The following CALN1 variants were observed in gnomAD, a reference collection of about 807,000 sequenced individuals.
The protein encoded by CALN1 is calneuron 1, also known as calcium-binding protein 8.
Under a neutral mutation model 30.6 loss-of-function variants are expected in CALN1, and 17 were observed. The observed-to-expected ratio is 0.56, with a 90% CI of 0.38 to 0.83. CALN1 has a LOEUF of 0.83. Ranked by LOEUF, CALN1 falls within the 40% of genes least tolerant of loss-of-function variation. CALN1 has a pLI of 0.00. For synonymous variants in CALN1, 156 were observed against 131.4 expected, an observed-to-expected ratio of 1.19 and a Z score of -1.28; for missense variants, 291 against 354.9, an observed-to-expected ratio of 0.82 and a Z score of 1.45.
intron 1 of CALN1, among the ~76,000 whole-genome samples, chr7:72,417,550 C>T (rs1807461931): frequency 2.0e-5 from 3 of 152,250 alleles, no homozygotes; most frequent in Admixed American, 2.0e-4. Context: ...TTTACCAGCA[C>T]TGGTTCCTAA....
At chr7:71,893,333 G>A (rs1478880075) in intron 5 of CALN1, among the ~76,000 whole-genome samples, 1 of 152,164 alleles carries the variant, frequency 6.6e-6, no homozygotes, top group Non-Finnish European at 1.5e-5. Flanking sequence ...GGCCCAAAAT[G>A]TCAATGATGC....
chr7:72,112,249 G>A lies in CALN1; in HGVS notation c.245-5955C>T, dbSNP rs77459749. On this transcript the variant is annotated intron_variant, in intron 3 of 6. Transcript: ENST00000395275. Reference sequence around the variant, plus strand: ...CAGCCAGCATCGATATTAGTTGGCTGATGTTCTAGCTTTGAAGAATCAGGT... The same window carrying A: ...CAGCCAGCATCGATATTAGTTGGCTAATGTTCTAGCTTTGAAGAATCAGGT... Among the ~76,000 whole-genome samples, 1,083 of 152,280 alleles carry A rather than the reference G, an allele frequency of 7.1e-3. 14 individuals are homozygous for A. The highest frequency in any genetic ancestry group is 0.024 in the African/African-American group (1,004 of 41,546).
chr7:72,490,511 A>G, the CALN1 span, among the ~76,000 whole-genome samples: 1 of 152,118 alleles, frequency 6.6e-6, no homozygotes, highest in East Asian at 1.9e-4. Context: ...CACCTACCTC[A>G]AAGTGTTTGA....
chr7:71,780,917 T>C lies in CALN1; in HGVS notation c.*6858A>G, dbSNP rs2115736868. On this transcript the variant is annotated 3_prime_UTR_variant, in exon 7 of 7. Coordinates refer to ENST00000395275, the MANE Select transcript of CALN1 (RefSeq NM_031468.4). ...AGACAGACAGAAAGCTCATCTTTGA[T>C]GCTCCCTCGAGTCAGCAAGTCCTTA... The C allele has an allele frequency of 6.6e-6, 1 of 152,340 alleles. No individual in the cohort carries two copies. Among genetic ancestry groups the C allele is most frequent in the Admixed American group, 6.5e-5 (1 of 15,304 alleles). 9.4% of individuals were successfully genotyped at this position (152,340 alleles called of 1,614,324 possible). A position where few individuals can be genotyped will look rare whatever the true frequency, so the allele number is the denominator to read the frequency against.
chr7:72,418,124 C>G (rs958290757), intron 1 of CALN1, among the ~76,000 whole-genome samples: 7 of 151,416 alleles, frequency 4.6e-5, no homozygotes, highest in African/African-American at 1.5e-4. Flanking sequence ...TCCCCCTCTT[C>G]CCTCTCTAGT....
chr7:71,905,598 A>C (rs1794090537), intron 5 of CALN1, among the ~76,000 whole-genome samples: 1 of 152,100 alleles, frequency 6.6e-6, no homozygotes, highest in South Asian at 2.1e-4. Context: ...GAAATGGATT[A>C]GTCCTCTGGA....
At chr7:72,154,882 C>A (rs1457001771) in intron 3 of CALN1, among the ~76,000 whole-genome samples, 2 of 145,898 alleles carry the variant, frequency 1.4e-5, no homozygotes, top group African/African-American at 5.2e-5. Flanking sequence ...ATAATGAGAT[C>A]CTGTCTCTAC....
chr7:72,109,811 G>A (rs1250272640), intron 3 of CALN1, among the ~76,000 whole-genome samples: 6 of 152,186 alleles, frequency 3.9e-5, no homozygotes, highest in Non-Finnish European at 7.3e-5. Flanking sequence ...GGCAGCCAGC[G>A]CCAAGCGCCA....
chr7:72,197,178 C>CTTT (rs386410439), intron 3 of CALN1, among the ~76,000 whole-genome samples: 10,618 of 64,376 alleles, frequency 0.16, 2,415 homozygotes, highest in East Asian at 0.39. Context: ...GGAAGGTTTG[C>CTTT]TTTTTTTTTT....
chr7:72,238,448 T>C (rs1794618856), intron 3 of CALN1, among the ~76,000 whole-genome samples: 1 of 152,156 alleles, frequency 6.6e-6, no homozygotes. Context: ...TTTTATTTAA[T>C]GAATTTATTC....
chr7:71,951,732 T>C (rs1157322687), intron 5 of CALN1, among the ~76,000 whole-genome samples: 3 of 152,176 alleles, frequency 2.0e-5, no homozygotes, highest in Non-Finnish European at 4.4e-5. Flanking sequence ...TTGGCAGATG[T>C]CACATACCCT....
chr7:72,426,869 C>T (rs1807814339), intron 1 of CALN1, among the ~76,000 whole-genome samples: 2 of 152,206 alleles, frequency 1.3e-5, no homozygotes, highest in Admixed American at 1.3e-4. Context: ...TGTGGCGATG[C>T]TCATTGCCCA....
chr7:72,325,917 T>C (rs1801245394), intron 2 of CALN1, among the ~76,000 whole-genome samples: 1 of 152,176 alleles, frequency 6.6e-6, no homozygotes, highest in African/African-American at 2.4e-5. Context: ...TGGGCTTTTT[T>C]AGAAGACAGG....
At chr7:72,400,482 G>C (rs576580406) in intron 2 of CALN1, among the ~76,000 whole-genome samples, 4 of 152,292 alleles carry the variant, frequency 2.6e-5, no homozygotes, top group African/African-American at 7.2e-5. Flanking sequence ...CCATTGCTTG[G>C]CATTGCTCCT....
In CALN1 at chr7:72,368,623, A is replaced by G. The variant is rs111598732; in HGVS notation, c.119+34628T>C. 9.0e-3 allele frequency among the ~76,000 whole-genome samples: 1,363 copies of G among 152,234 alleles called. 19 individuals carry two copies. Among genetic ancestry groups the G allele is most frequent in the African/African-American group, 0.031 (1,286 of 41,538 alleles). Reference sequence around the variant, plus strand: ...ATAAAGTAACAAAGATATGAGCTACAAAACCATCAGATCATACGGAGGTCA... The same window carrying G: ...ATAAAGTAACAAAGATATGAGCTACGAAACCATCAGATCATACGGAGGTCA... On this transcript the variant is annotated intron_variant, in intron 2 of 6. Transcript: ENST00000395275.
rs1024616403 is a variant in CALN1 at position 71,780,641 on chromosome 7, T to G, written c.*7134A>C. Reference sequence around the variant, plus strand: ...CACGACTCTCTTCTTTCTGGGGTATTAGGAATAATTACAAGCTACTATCAA... The same window carrying G: ...CACGACTCTCTTCTTTCTGGGGTATGAGGAATAATTACAAGCTACTATCAA... On this transcript the variant is annotated 3_prime_UTR_variant, in exon 7 of 7. Coordinates refer to ENST00000395275, the MANE Select transcript of CALN1 (RefSeq NM_031468.4). 2.6e-5 allele frequency: 4 copies of G among 151,804 alleles called. No individual in the cohort carries two copies. Among genetic ancestry groups the G allele is most frequent in the Non-Finnish European group, 4.4e-5 (3 of 67,992 alleles). The allele number at this position is 151,804 out of a possible 1,614,324, so 9.4% of individuals were successfully genotyped here.
chr7:72,232,492 ACT>A (rs1794178538), intron 3 of CALN1, among the ~76,000 whole-genome samples: 1 of 152,164 alleles, frequency 6.6e-6, no homozygotes, highest in African/African-American at 2.4e-5. Context: ...ACGGAGTCTC[ACT>A]CTGTTGCCCA....
chr7:72,072,881 C>T (rs1462507042), intron 4 of CALN1, among the ~76,000 whole-genome samples: 1 of 151,486 alleles, frequency 6.6e-6, no homozygotes, highest in Non-Finnish European at 1.5e-5. Flanking sequence ...ATGGTAACTA[C>T]AAAGAAAATA....
intron 6 of CALN1, among the ~76,000 whole-genome samples, chr7:71,795,843 G>T: frequency 1.0e-5 from 1 of 98,744 alleles, no homozygotes; most frequent in South Asian, 3.5e-4. Context: ...TTTTGAGACA[G>T]AGTCTTGCTC....
Sources: allele counts gnomAD v4.1 joint callset (sites outside exome capture counted in the v4.1 genomes callset), GRCh38; gene constraint gnomAD v4.1.1; transcripts MANE v1.5; gene names NCBI Gene and HGNC (gene_info 2026-07-23, HGNC 2026-07-21).